The following EVPL variants were observed in gnomAD, a reference collection of about 807,000 sequenced individuals.
EVPL encodes envoplakin.
A neutral mutation model predicts 129.7 loss-of-function variants in EVPL; 94 were observed. The observed-to-expected ratio is 0.72, with a 90% CI of 0.61 to 0.86. The LOEUF (loss-of-function observed/expected upper bound fraction) is 0.86, where lower values mean the gene tolerates loss of function less well. EVPL is among the 40% of genes least tolerant of loss of function. EVPL has a pLI of 0.00. For missense variants in EVPL, 2,625 were observed against 2,721.1 expected (o/e 0.96, Z 0.79); for synonymous variants, 1,172 against 1,191.1 (o/e 0.98, Z 0.33).
chr17:76,017,272 CACTCTG>C (rs1032067076), intron 14 of EVPL, among the ~76,000 whole-genome samples: 7 of 152,164 alleles, frequency 4.6e-5, no homozygotes, highest in Admixed American at 1.3e-4. Context: ...GTGTGGGTTT[CACTCTG>C]AGCACTTTTG....
chr17:76,018,191 C>T lies in EVPL; in HGVS notation c.1507G>A (p.Ala503Thr). 1.3e-6 allele frequency: 2 copies of T among 1,551,136 alleles called. No homozygotes were observed. The change falls in exon 13 of 22, where the codon GCT becomes ACT. Residue 503 changes from alanine (A) to threonine (T), a missense_variant. Around this residue, in one of 4 missense-constraint regions of EVPL, gnomAD observed 1,024 missense variants for 997.5 expected, o/e 1.03. Coordinates refer to ENST00000301607, the MANE Select transcript of EVPL (RefSeq NM_001988.4). The stretch of plus-strand genomic sequence containing the variant: ...TGGCTGGGCCGAAGAGACTCCACAG[C>T]ACTGGCCTTCAGGCGGCTCTGGACT... ...ATVQSRLKAS[A>T]VESLRPSQQA... is the part of the protein sequence containing the mutation.
chr17:76,007,617 G>A lies in EVPL; in HGVS notation c.5588C>T (p.Ala1863Val), dbSNP rs188748343. ...CAGGTCCACGATGCCCCCTGTGGCCGCCTGGGCCTCCAGTAGCTTCTGCCC... is the reference window on the plus strand; with the variant it reads ...CAGGTCCACGATGCCCCCTGTGGCCACCTGGGCCTCCAGTAGCTTCTGCCC... Reference protein sequence around the residue: ...ITGQKLLEAQAATGGIVDLLS... With the variant: ...ITGQKLLEAQVATGGIVDLLS... Residue 1863 changes from alanine to valine, a missense_variant, in exon 22 of 22, where the codon GCG (alanine) becomes GTG (valine). Around this residue, in one of 4 missense-constraint regions of EVPL, gnomAD observed 1,453 missense variants for 1,511.8 expected, o/e 0.96. Coordinates refer to ENST00000301607, the MANE Select transcript of EVPL (RefSeq NM_001988.4). This position sits in a 1 kb window ranked among gnomAD's most constrained non-coding sequence, Gnocchi z 8.8. 2.2e-5 allele frequency: 35 copies of A among 1,613,836 alleles called. No homozygotes were observed. The highest frequency in any genetic ancestry group is 1.6e-4 in the African/African-American group (12 of 75,058).
Position 76,021,449 on chromosome 17 carries a change from C to T in EVPL, c.1011+19G>A. On this transcript the variant is annotated intron_variant, in intron 9 of 21. Transcript: ENST00000301607. Reference sequence around the variant, plus strand: ...CCCCTGCCGCCCCTGCCGCCCCTGCCGCCTGCCCGAGGGCTCACCCGGCGG... The same window carrying T: ...CCCCTGCCGCCCCTGCCGCCCCTGCTGCCTGCCCGAGGGCTCACCCGGCGG... The T allele has an allele frequency of 6.3e-7, 1 of 1,591,886 alleles. No homozygotes were observed. The highest frequency in any genetic ancestry group is 1.1e-5 in the South Asian group (1 of 88,100).
chr17:76,020,436 T>C (rs1199554886), intron 9 of EVPL, among the ~76,000 whole-genome samples: 1 of 152,206 alleles, frequency 6.6e-6, no homozygotes, highest in Non-Finnish European at 1.5e-5. Context: ...CAGAGGGTAT[T>C]GGAGCTGCAC....
intron 12 of EVPL, 35 bp from the exon 13 acceptor site, chr17:76,018,293 C>G: frequency 6.6e-7 from 1 of 1,523,138 alleles, no homozygotes; most frequent in East Asian, 2.5e-5. Flanking sequence ...AAGAGGTCCC[C>G]ACTCTGCCTC....
At chr17:76,025,211 T>C (rs867577181) in intron 1 of EVPL, among the ~76,000 whole-genome samples, 27 of 152,244 alleles carry the variant, frequency 1.8e-4, no homozygotes, top group Non-Finnish European at 1.5e-5. Flanking sequence ...TGAGCATTAA[T>C]TGAATTTATC....
At chr17:76,026,365 A>G (rs1466338162) in intron 1 of EVPL, among the ~76,000 whole-genome samples, 1 of 150,842 alleles carries the variant, frequency 6.6e-6, no homozygotes, top group Non-Finnish European at 1.5e-5. Flanking sequence ...ACGAGCCACC[A>G]TGCCTGGCTA....
chr17:76,007,403 G>T lies in EVPL; in HGVS notation c.5802C>A (p.His1934Gln), dbSNP rs145171189. The change falls in exon 22 of 22, where the codon CAC (histidine) becomes CAA (glutamine). Residue 1934 changes from histidine to glutamine, a missense_variant. His to Gln is a conservative substitution (Grantham distance 24). Around this residue, in one of 4 missense-constraint regions of EVPL, gnomAD observed 1,453 missense variants for 1,511.8 expected, o/e 0.96. Transcript: ENST00000301607. The surrounding 1 kb of genome is among the most constrained non-coding windows in gnomAD (Gnocchi z 8.8). The part of the protein sequence containing the change: ...GWMPRESVLP[H>Q]LQVQHLTGGL... ...CCCCGGTCAGGTGCTGCACCTGCAGGTGTGGGAGCACGCTCTCCCGGGGCA... is the reference window on the plus strand; with the variant it reads ...CCCCGGTCAGGTGCTGCACCTGCAGTTGTGGGAGCACGCTCTCCCGGGGCA... 688 of 1,603,868 alleles carry T rather than the reference G, an allele frequency of 4.3e-4. 1 individual carries two copies. The highest frequency in any genetic ancestry group is 5.5e-4 in the Non-Finnish European group (642 of 1,173,742).
At position 76,015,139 on chromosome 17, in the gene EVPL, C is replaced by T. The variant is rs1457176950; in HGVS notation, c.2029-30G>A. 2.6e-6 allele frequency: 4 copies of T among 1,566,146 alleles called. No individual in the cohort carries two copies. The Middle Eastern group carries it at 5.2e-4, about 203-fold the overall frequency. On this transcript the variant is annotated intron_variant, in intron 16 of 21. Coordinates refer to ENST00000301607, the MANE Select transcript of EVPL (RefSeq NM_001988.4). ...AGGAGGAGGGGACGCAGCCGTGCACCCTCGTGGCTGGGGAGACGCCGTGTC... is the reference window on the plus strand; with the variant it reads ...AGGAGGAGGGGACGCAGCCGTGCACTCTCGTGGCTGGGGAGACGCCGTGTC...
rs781537464 is a variant in EVPL, at chr17:76,011,814, C to T, written c.2526G>A (p.Lys842=). The change falls in exon 20 of 22, where the codon AAG becomes AAA. Residue 842 remains lysine (K), a synonymous_variant. Coordinates refer to ENST00000301607, the MANE Select transcript of EVPL (RefSeq NM_001988.4). ...LEPTLAVSAP[K]RPRVAPLQES... is the part of the protein sequence containing the mutation. ...CTTGCAGGGGAGCCACTCGGGGTCT[C>T]TTGGGGGCTGACACTGCCAGGGTGG... The T allele has an allele frequency of 1.9e-6, 3 of 1,612,982 alleles. No individual in the cohort carries two copies. The highest frequency in any genetic ancestry group is 2.5e-6 in the Non-Finnish European group (3 of 1,179,630).
At chr17:76,021,829 T>G (rs1337404573) in intron 7 of EVPL, 38 bp downstream of exon 7, 1 of 1,567,082 alleles carries the variant, frequency 6.4e-7, no homozygotes, top group East Asian at 2.4e-5. Context: ...CGGATGGCCC[T>G]GGCCGCCCCC....
rs757230950 is a variant in EVPL, at chr17:76,008,416, G to A, written c.4789C>T (p.Gln1597Ter). The part of the protein sequence containing the change: ...QADQECGRLQ[Q>*]ELRALERQKQ... ...TGCCTCTCCAGAGCCCGCAGCTCCTGCTGCAGCCGCCCACACTCCTGGTCG... is the reference window on the plus strand; with the variant it reads ...TGCCTCTCCAGAGCCCGCAGCTCCTACTGCAGCCGCCCACACTCCTGGTCG... The change falls in exon 22 of 22, where the codon CAG becomes TAG. Residue 1597 changes from glutamine to a stop codon, truncating the protein, a stop_gained. Coordinates refer to ENST00000301607, the MANE Select transcript of EVPL (RefSeq NM_001988.4). LOFTEE classifies it low-confidence loss of function (END_TRUNC). This position sits in a 1 kb window ranked among gnomAD's most constrained non-coding sequence, Gnocchi z 7.4. The A allele has an allele frequency of 1.3e-6, 2 of 1,591,936 alleles. No individual in the cohort carries two copies. The highest frequency in any genetic ancestry group is 1.7e-6 in the Non-Finnish European group (2 of 1,175,130).
chr17:76,017,488 G>C (rs190367356), intron 14 of EVPL, among the ~76,000 whole-genome samples: 2 of 152,142 alleles, frequency 1.3e-5, no homozygotes, highest in East Asian at 3.9e-4. Context: ...ATGATCAGGC[G>C]AGCTGGGCAT....
At chr17:76,021,352 T>C in intron 9 of EVPL, 116 bp downstream of exon 9, 1 of 997,744 alleles carries the variant, frequency 1.0e-6, no homozygotes, top group Non-Finnish European at 1.5e-6. Flanking sequence ...CACCGCGCCC[T>C]GCCAGCTCTG....
In EVPL at chr17:76,019,075, G is replaced by A. The variant is rs2144426555; in HGVS notation, c.1138-15C>T. The A allele has an allele frequency of 1.9e-6, 3 of 1,571,436 alleles. No individual in the cohort carries two copies. The highest frequency in any genetic ancestry group is 2.6e-6 in the Non-Finnish European group (3 of 1,167,790). Reference sequence around the variant, plus strand: ...TTTTCCTCTGCCTGCCGGGGGCCCAGGCAGTGGGGGACTCAGGCCAGGCTG... The same window carrying A: ...TTTTCCTCTGCCTGCCGGGGGCCCAAGCAGTGGGGGACTCAGGCCAGGCTG... On this transcript the variant is annotated splice_polypyrimidine_tract_variant and intron_variant, in intron 10 of 21. Transcript: ENST00000301607.
At chr17:76,019,474 G>A (rs999745589) in intron 10 of EVPL, 54 bp downstream of exon 10, 3 of 1,508,346 alleles carry the variant, frequency 2.0e-6, no homozygotes, top group South Asian at 1.3e-5. Context: ...CAGAAAAATG[G>A]ACAGGACCAA....
rs760413260 is a variant in EVPL, at chr17:76,007,697, G to A, written c.5508C>T (p.Asp1836=). The A allele has an allele frequency of 1.7e-5, 27 of 1,613,664 alleles. No individual in the cohort carries two copies. The highest frequency in any genetic ancestry group is 2.3e-5 in the Non-Finnish European group (27 of 1,179,770). The change falls in exon 22 of 22, where the codon GAC becomes GAT. Residue 1836 remains aspartate, a synonymous_variant. Transcript: ENST00000301607. The surrounding 1 kb of genome is among the most constrained non-coding windows in gnomAD (Gnocchi z 8.8). The part of the protein sequence containing the change: ...PIAGIYDTTT[D]NKCSIKTAVA... ...CGGCCGTCTTGATGCTGCACTTGTT[G>A]TCTGTGGTTGTGTCATAGATCCCGG...
At position 76,009,304 on chromosome 17, in the gene EVPL, A is replaced by T; in HGVS notation, c.3901T>A (p.Trp1301Arg). Residue 1301 changes from tryptophan to arginine, a missense_variant, in exon 22 of 22, where the codon TGG becomes AGG. Trp to Arg is a moderately radical substitution (Grantham distance 101). This residue lies in a region of EVPL where 1,453 missense variants were observed against 1,511.8 expected (regional missense o/e 0.96). Coordinates refer to ENST00000301607, the MANE Select transcript of EVPL (RefSeq NM_001988.4). The surrounding 1 kb of genome is among the most constrained non-coding windows in gnomAD (Gnocchi z 5.9). The stretch of plus-strand genomic sequence containing the variant: ...TCCACCTTGGCCCGCTCGCGCCTCC[A>T]CTCGTCGCGCTCACCCTGCAGGCGG... Reference protein sequence around the residue: ...LIRLQGERDEWRRERAKVETK... With the variant: ...LIRLQGERDERRRERAKVETK... 6.2e-7 allele frequency: 1 copy of T among 1,608,180 alleles called. No individual in the cohort carries two copies. The highest frequency in any genetic ancestry group is 8.5e-7 in the Non-Finnish European group (1 of 1,179,428).
At chr17:76,012,276 T>A (rs1598234678) in intron 18 of EVPL, 187 bp from the exon 19 acceptor site, 2 of 548,712 alleles carry the variant, frequency 3.6e-6, no homozygotes, top group East Asian at 6.0e-5. Flanking sequence ...TCCTCCTTCC[T>A]CTCCGAGGCA....
Sources: allele counts gnomAD v4.1 joint callset (sites outside exome capture counted in the v4.1 genomes callset), GRCh38; gene constraint gnomAD v4.1.1; regional missense constraint gnomAD v4.1.1; non-coding constraint Gnocchi (gnomAD v3.1); transcripts MANE v1.5; gene names NCBI Gene and HGNC (gene_info 2026-07-23, HGNC 2026-07-21).